The following RUFY1 variants were observed in gnomAD, a reference collection of about 807,000 sequenced individuals.
RUFY1 encodes the protein RUN and FYVE domain containing 1, also known as RUN and FYVE domain-containing protein 1.
RUFY1 carries 54 observed loss-of-function variants against 94.6 expected under a neutral mutation model. The ratio of observed to expected loss-of-function variants is 0.57; its 90% confidence interval spans 0.46 to 0.72. The LOEUF (loss-of-function observed/expected upper bound fraction) is 0.72, where lower values mean the gene tolerates loss of function less well. Ranked by LOEUF, RUFY1 falls within the 30% of genes least tolerant of loss-of-function variation. RUFY1 has a pLI of 0.00. For synonymous variants in RUFY1, 396 were observed against 347.3 expected (o/e 1.14, Z -1.56); for missense variants, 883 against 883.9 (o/e 1.00, Z 0.01).
intron 3 of RUFY1, among the ~76,000 whole-genome samples, chr5:179,565,459 G>C (rs1762772256): frequency 6.6e-6 from 1 of 151,944 alleles, no homozygotes; most frequent in Non-Finnish European, 1.5e-5. Flanking sequence ...GATTACAGGT[G>C]TGAGCCACCA....
chr5:179,601,959 T>C lies in RUFY1; in HGVS notation c.1829T>C (p.Leu610Pro). Residue 610 changes from leucine (L) to proline (P), a missense_variant, in exon 15 of 18, where the codon CTC becomes CCC. Leu to Pro is a moderately conservative substitution (Grantham distance 98). Coordinates refer to ENST00000319449, the MANE Select transcript of RUFY1 (RefSeq NM_025158.5). ...ATCTGCGAGGAGCAGGAACAAGCCC[T>C]CCAGGAAATGGGCCTGCACCTCAGC... Reference protein sequence around the residue: ...QKICEEQEQALQEMGLHLSQS... With the variant: ...QKICEEQEQAPQEMGLHLSQS... 6.2e-7 allele frequency: 1 copy of C among 1,611,100 alleles called. No homozygotes were observed.
chr5:179,582,011 GC>G (rs936135511), intron 7 of RUFY1, among the ~76,000 whole-genome samples: 9 of 152,074 alleles, frequency 5.9e-5, no homozygotes, highest in African/African-American at 2.2e-4. Context: ...TGTGATGTTG[GC>G]TATTTTTTGA....
At chr5:179,559,587 A>G in intron 1 of RUFY1, 1 of 868,934 alleles carries the variant, frequency 1.2e-6, no homozygotes, top group Non-Finnish European at 1.4e-6. Flanking sequence ...AGAGGCCTTG[A>G]GCTGGACTCG....
chr5:179,599,089 G>A lies in RUFY1; in HGVS notation c.1761+268G>A, dbSNP rs2127566010. On this transcript the variant is annotated intron_variant, in intron 14 of 17. Transcript: ENST00000319449. ...CTCACCCGTGTGCAAGGGGCCTGGGGAGGGAGCGACCGGTGAGCAGAGGCT... is the reference window on the plus strand; with the variant it reads ...CTCACCCGTGTGCAAGGGGCCTGGGAAGGGAGCGACCGGTGAGCAGAGGCT... 1.3e-5 allele frequency among the ~76,000 whole-genome samples: 2 copies of A among 152,380 alleles called. 1 individual carries two copies. Among genetic ancestry groups the A allele is most frequent in the South Asian group, 4.1e-4 (2 of 4,834 alleles).
chr5:179,604,284 AC>A (rs2127574567), intron 15 of RUFY1, among the ~76,000 whole-genome samples: 1 of 152,170 alleles, frequency 6.6e-6, no homozygotes, highest in African/African-American at 2.4e-5. Flanking sequence ...ATACCGGATG[AC>A]AGAGATGGCA....
At position 179,562,606 on chromosome 5, in the gene RUFY1, A is replaced by G; in HGVS notation, c.544A>G (p.Lys182Glu). The G allele has an allele frequency of 6.2e-7, 1 of 1,612,424 alleles. No individual in the cohort carries two copies. ...SFFGPLELVE[K>E]LCPEASDIAT... ...CTTTGGTCCTTTGGAGCTGGTGGAG[A>G]AACTTTGTCCAGAAGCATCAGATAT... The change falls in exon 3 of 18, where the codon AAA (lysine) becomes GAA (glutamate). Residue 182 changes from lysine (K) to glutamate (E), a missense_variant. Lys to Glu is a moderately conservative substitution (Grantham distance 56). Coordinates refer to ENST00000319449, the MANE Select transcript of RUFY1 (RefSeq NM_025158.5).
chr5:179,594,992 C>A, intron 12 of RUFY1, 29 bp downstream of exon 12: 3 of 1,464,538 alleles, frequency 2.0e-6, no homozygotes, highest in African/African-American at 1.4e-5. Context: ...CAGATATTCT[C>A]GGGAAGGCTC....
At chr5:179,573,431 GT>G (rs1457915528) in intron 5 of RUFY1, among the ~76,000 whole-genome samples, 1 of 152,154 alleles carries the variant, frequency 6.6e-6, no homozygotes, top group Non-Finnish European at 1.5e-5. Context: ...AAGTATACAT[GT>G]TTGCTGCTGA....
intron 1 of RUFY1, 61 bp from the exon 2 acceptor site, chr5:179,559,964 C>T: frequency 6.4e-7 from 1 of 1,554,330 alleles, no homozygotes; most frequent in South Asian, 1.2e-5. Flanking sequence ...CACCGTTGCC[C>T]GGAGTCTGAC....
intron 5 of RUFY1, among the ~76,000 whole-genome samples, 163 bp from the exon 6 acceptor site, chr5:179,576,912 G>A (rs1248855493): frequency 5.9e-5 from 9 of 151,730 alleles, no homozygotes; most frequent in Admixed American, 2.0e-4. Context: ...GGTAGGGTTA[G>A]GTTTTTTTGG....
chr5:179,605,095 A>G (rs1766922355), intron 15 of RUFY1, among the ~76,000 whole-genome samples: 1 of 152,132 alleles, frequency 6.6e-6, no homozygotes, highest in South Asian at 2.1e-4. Flanking sequence ...CCTGGGCAAC[A>G]TGGCAAAACC....
chr5:179,580,245 A>ATATATT lies in RUFY1; in HGVS notation c.891-701_891-700insATATTT, dbSNP rs59300402. 8.0e-3 allele frequency among the ~76,000 whole-genome samples: 657 copies of ATATATT among 81,668 alleles called. 4 individuals are homozygous for ATATATT. Among genetic ancestry groups the ATATATT allele is most frequent in the Non-Finnish European group, 0.011 (459 of 40,632 alleles). The allele number at this position is 81,668 out of a possible 152,430, so 53.6% of individuals were successfully genotyped here. ...TGTGTGTGTGTGTGTGTGTGTGTAT[A>ATATATT]TTTTTTTTTTTTTTTGAGACGGAGT... On this transcript the variant is annotated intron_variant, in intron 6 of 17. Transcript: ENST00000319449.
chr5:179,609,052 T>C (rs530749337), intron 17 of RUFY1, among the ~76,000 whole-genome samples: 1 of 151,734 alleles, frequency 6.6e-6, no homozygotes, highest in Non-Finnish European at 1.5e-5. Context: ...ACCCCGTCTC[T>C]ACTAAAAATA....
intron 2 of RUFY1, among the ~76,000 whole-genome samples, chr5:179,561,690 T>C (rs1412761423): frequency 1.1e-5 from 1 of 87,958 alleles, no homozygotes; most frequent in Non-Finnish European, 2.5e-5. Context: ...TTTTTTTTTT[T>C]TTTTTTTTTT....
At chr5:179,573,262 G>A (rs997291971) in intron 5 of RUFY1, among the ~76,000 whole-genome samples, 13 of 152,074 alleles carry the variant, frequency 8.5e-5, no homozygotes, top group Non-Finnish European at 1.5e-4. Context: ...CTTGAACATC[G>A]TTTTGTCAAA....
At chr5:179,561,217 A>AATT (rs1561965751) in intron 2 of RUFY1, among the ~76,000 whole-genome samples, 90 of 107,374 alleles carry the variant, frequency 8.4e-4, no homozygotes, top group Admixed American at 3.4e-3. Context: ...TCTCAAAAAT[A>AATT]AATAAATAAA....
chr5:179,554,105 C>A (rs543188736), intron 1 of RUFY1, among the ~76,000 whole-genome samples: 1 of 152,322 alleles, frequency 6.6e-6, no homozygotes, highest in South Asian at 2.1e-4. Flanking sequence ...CCTACACAAG[C>A]AATGAGGACA....
chr5:179,594,502 C>T (rs1239193214), intron 11 of RUFY1, among the ~76,000 whole-genome samples: 6 of 146,364 alleles, frequency 4.1e-5, no homozygotes, highest in Non-Finnish European at 1.5e-5. Context: ...TGGCTCACAC[C>T]TGTAATCCCA....
chr5:179,598,644 G>T (rs370226549), intron 13 of RUFY1, 48 bp from the exon 14 acceptor site: 1 of 1,609,806 alleles, frequency 6.2e-7, no homozygotes, highest in Admixed American at 1.7e-5. Flanking sequence ...TGAATCTTCC[G>T]TGAAAGTCTC....
Sources: gnomAD v4.1 joint callset for allele counts (sites outside exome capture counted in the v4.1 genomes callset) on GRCh38, gnomAD v4.1.1 for gene constraint, MANE v1.5 for transcripts, NCBI Gene and HGNC (gene_info 2026-07-23, HGNC 2026-07-21) for gene names.